Variants in PLEKHD1 observed in about 807,000 individuals in gnomAD.
The protein encoded by PLEKHD1 is pleckstrin homology domain-containing family D member 1.
PLEKHD1 carries 51 observed loss-of-function variants against 69.2 expected under a neutral mutation model. The ratio of observed to expected loss-of-function variants is 0.74; its 90% CI spans 0.59 to 0.93. The LOEUF (loss-of-function observed/expected upper bound fraction) is 0.93. PLEKHD1 is among the 40% of genes least tolerant of loss of function. The pLI is 0.00. For synonymous variants in PLEKHD1, 236 were observed against 244.7 expected (o/e 0.96, Z 0.33); for missense variants, 584 against 641.0 (o/e 0.91, Z 0.96).
intron 1 of PLEKHD1, among the ~76,000 whole-genome samples, chr14:69,485,351 C>A (rs1301484323): frequency 6.6e-6 from 1 of 152,212 alleles, no homozygotes; most frequent in Non-Finnish European, 1.5e-5. Context: ...TGAACCTGAC[C>A]CTCGAGTGGG....
At chr14:69,515,027 G>A (rs1052751130) in intron 6 of PLEKHD1, among the ~76,000 whole-genome samples, 2 of 152,040 alleles carry the variant, frequency 1.3e-5, no homozygotes, top group Non-Finnish European at 2.9e-5. Flanking sequence ...GCGAAATCCC[G>A]TCTCTACTAA....
chr14:69,503,690 C>CAAAAAAAAA (rs1164078389), intron 6 of PLEKHD1: 2 of 45,988 alleles, frequency 4.3e-5, no homozygotes, highest in African/African-American at 7.6e-5. Flanking sequence ...GACTCCGTCT[C>CAAAAAAAAA]AAAAAAAAAA....
upstream of PLEKHD1, among the ~76,000 whole-genome samples, chr14:69,479,924 G>T (rs1364591370): frequency 6.6e-6 from 1 of 152,156 alleles, no homozygotes; most frequent in Non-Finnish European, 1.5e-5. Flanking sequence ...GTCTCCATTT[G>T]TTTGGCAAAT....
intron 12 of PLEKHD1, 40 bp from the exon 13 acceptor site, chr14:69,528,210 G>T: frequency 6.5e-7 from 1 of 1,548,780 alleles, no homozygotes; most frequent in South Asian, 1.2e-5. Flanking sequence ...TTCGTGGAGG[G>T]AGCACTGTTC....
chr14:69,528,884 C>T lies in PLEKHD1; in HGVS notation c.*465C>T, dbSNP rs932564074. ...GAAAGGCCTTGCCTCCCTACCTTGA[C>T]ATTCCCTTTTCCCCAGGGTTTCCTA... On this transcript the variant is annotated 3_prime_UTR_variant, in exon 13 of 13. Transcript: ENST00000322564. 1.2e-5 allele frequency: 2 copies of T among 160,784 alleles called. No individual in the cohort carries two copies. Among genetic ancestry groups the T allele is most frequent in the African/African-American group, 4.8e-5 (2 of 41,666 alleles). The allele number at this position is 160,784 out of a possible 1,614,324, so 10.0% of individuals were successfully genotyped here. A position where few individuals can be genotyped will look rare whatever the true frequency, so the allele number is the denominator to read the frequency against.
the PLEKHD1 span, among the ~76,000 whole-genome samples, chr14:69,479,565 C>T: frequency 6.6e-5 from 10 of 152,082 alleles, 1 homozygote; most frequent in South Asian, 6.2e-4. Context: ...CCAGCTACTC[C>T]GGAGGCCAGA....
At chr14:69,524,518 G>A (rs1426266515) in intron 8 of PLEKHD1, among the ~76,000 whole-genome samples, 196 bp downstream of exon 8, 3 of 152,126 alleles carry the variant, frequency 2.0e-5, no homozygotes, top group African/African-American at 2.4e-5. Context: ...AAAGCAAGAA[G>A]TGTCTGTTCT....
rs530924150 is a variant in PLEKHD1 at position 69,516,338 on chromosome 14, A to T, written c.556-5945A>T. On this transcript the variant is annotated intron_variant, in intron 6 of 12. Coordinates refer to ENST00000322564, the MANE Select transcript of PLEKHD1 (RefSeq NM_001161498.2). The stretch of plus-strand genomic sequence containing the variant: ...ATCCCATAATTGACAGACAACTGTC[A>T]CCAAACTTTTTGGTGCTTTTCATTT... 6.6e-4 allele frequency among the ~76,000 whole-genome samples: 88 copies of T among 133,982 alleles called. No homozygotes were observed. The Middle Eastern group carries it at 0.017, about 25-fold the overall frequency. The allele number at this position is 133,982 out of a possible 152,430, so 87.9% of individuals were successfully genotyped here. A position where few individuals can be genotyped will look rare whatever the true frequency, so the allele number is the denominator to read the frequency against.
At chr14:69,491,403 C>T (rs563387758) in intron 1 of PLEKHD1, among the ~76,000 whole-genome samples, 1 of 152,322 alleles carries the variant, frequency 6.6e-6, no homozygotes, top group Admixed American at 6.5e-5. Flanking sequence ...TGACATCACT[C>T]TCTCTCTGGA....
chr14:69,528,152 A>C, intron 12 of PLEKHD1, 98 bp from the exon 13 acceptor site: 5 of 1,461,190 alleles, frequency 3.4e-6, no homozygotes, highest in Non-Finnish European at 4.6e-6. Flanking sequence ...AGCTTGGCAC[A>C]CATAAAGGAG....
At chr14:69,519,880 G>A (rs999681295) in intron 6 of PLEKHD1, among the ~76,000 whole-genome samples, 1 of 152,128 alleles carries the variant, frequency 6.6e-6, no homozygotes, top group Non-Finnish European at 1.5e-5. Flanking sequence ...CTGGGCGCCT[G>A]GCCGCGCACG....
chr14:69,528,596 C>T lies in PLEKHD1; in HGVS notation c.*177C>T. 1.2e-6 allele frequency: 1 copy of T among 835,694 alleles called. No homozygotes were observed. The highest frequency in any genetic ancestry group is 1.8e-6 in the Non-Finnish European group (1 of 552,876). The allele number at this position is 835,694 out of a possible 1,614,324, so 51.8% of individuals were successfully genotyped here. A position where few individuals can be genotyped will look rare whatever the true frequency, so the allele number is the denominator to read the frequency against. ...TGCCCTCAAAGGACATGGACGCTGC[C>T]TTCCTCATCCTCACCCCACACCCCA... On this transcript the variant is annotated 3_prime_UTR_variant, in exon 13 of 13. Coordinates refer to ENST00000322564, the MANE Select transcript of PLEKHD1 (RefSeq NM_001161498.2).
In PLEKHD1 at chr14:69,500,760, G is replaced by C. The variant is rs375154922; in HGVS notation, c.333+94G>C. ...ACACATCCCATGTCCTGGCCTGGGA[G>C]AGGGGCATCAGCACCCAGGGATGTG... On this transcript the variant is annotated intron_variant, in intron 3 of 12. Transcript: ENST00000322564. 6.3e-4 allele frequency: 951 copies of C among 1,518,780 alleles called. 14 individuals carry two copies. In the South Asian group the frequency reaches 0.011, roughly 18 times the overall value. The allele number at this position is 1,518,780 out of a possible 1,614,324, so 94.1% of individuals were successfully genotyped here.
At chr14:69,514,139 G>A (rs1326361911) in intron 6 of PLEKHD1, among the ~76,000 whole-genome samples, 1 of 152,014 alleles carries the variant, frequency 6.6e-6, no homozygotes, top group Non-Finnish European at 1.5e-5. Flanking sequence ...ACATTAATAT[G>A]GGAAAACTCT....
chr14:69,485,277 A>G (rs956932393), intron 1 of PLEKHD1, among the ~76,000 whole-genome samples, 163 bp downstream of exon 1: 3 of 152,138 alleles, frequency 2.0e-5, no homozygotes, highest in African/African-American at 4.8e-5. Flanking sequence ...TGTGGACCAT[A>G]GTCTGGGCCG....
At chr14:69,513,130 A>G (rs762409668) in intron 6 of PLEKHD1, among the ~76,000 whole-genome samples, 2 of 151,846 alleles carry the variant, frequency 1.3e-5, no homozygotes, top group Admixed American at 6.6e-5. Flanking sequence ...GAGGCGGGAG[A>G]ACCACTTGAA....
upstream of PLEKHD1, among the ~76,000 whole-genome samples, chr14:69,483,535 G>C (rs899805311): frequency 6.6e-6 from 1 of 152,196 alleles, no homozygotes; most frequent in African/African-American, 2.4e-5. Flanking sequence ...GAAATGTTCT[G>C]TCTGTTGCTT....
intron 1 of PLEKHD1, among the ~76,000 whole-genome samples, chr14:69,499,395 G>A (rs1294504233): frequency 4.6e-5 from 7 of 152,194 alleles, no homozygotes; most frequent in Non-Finnish European, 8.8e-5. Context: ...GGCTTTGAGC[G>A]CCAATCGGAC....
chr14:69,508,534 C>T (rs1282025606), intron 6 of PLEKHD1, among the ~76,000 whole-genome samples: 3 of 152,222 alleles, frequency 2.0e-5, no homozygotes, highest in African/African-American at 7.2e-5. Context: ...CCTGCCTCAG[C>T]CTCCCAAGTA....
Sources: allele counts gnomAD v4.1 joint callset (sites outside exome capture counted in the v4.1 genomes callset), GRCh38; gene constraint gnomAD v4.1.1; transcripts MANE v1.5; gene names NCBI Gene and HGNC (gene_info 2026-07-23, HGNC 2026-07-21).